The following ALDH18A1 variants were observed in gnomAD, a reference collection of about 807,000 sequenced individuals.
ALDH18A1 encodes delta-1-pyrroline-5-carboxylate synthase.
A neutral mutation model predicts 88.8 loss-of-function variants in ALDH18A1; 44 were observed. The observed-to-expected ratio is 0.50, with a 90% CI of 0.39 to 0.64. ALDH18A1 has a LOEUF of 0.64. Ranked by LOEUF, ALDH18A1 falls within the 30% of genes least tolerant of loss-of-function variation. The pLI, the probability that ALDH18A1 is intolerant of heterozygous loss-of-function variation, is 0.00. For missense variants in ALDH18A1, 782 were observed against 1,009.5 expected (o/e 0.77, Z 3.05); for synonymous variants, 331 against 372.1 (o/e 0.89, Z 1.27).
intron 13 of ALDH18A1, 104 bp downstream of exon 13, chr10:95,616,373 T>G: frequency 2.7e-6 from 4 of 1,461,254 alleles, no homozygotes; most frequent in Non-Finnish European, 3.7e-6. Context: ...TCAAGTCTGC[T>G]TGTAGTAGTG....
chr10:95,627,679 T>G, intron 8 of ALDH18A1, 93 bp from the exon 9 acceptor site: 1 of 1,424,154 alleles, frequency 7.0e-7, no homozygotes, highest in Non-Finnish European at 9.9e-7. Context: ...CAAGTTGATA[T>G]TGAACAACTT....
intron 17 of ALDH18A1, among the ~76,000 whole-genome samples, chr10:95,607,256 A>G (rs933705371): frequency 1.3e-5 from 2 of 152,186 alleles, no homozygotes; most frequent in Non-Finnish European, 2.9e-5. Flanking sequence ...ATTGCATACC[A>G]TATTTTGACA....
At position 95,627,558 on chromosome 10, in the gene ALDH18A1, C is replaced by T; in HGVS notation, c.962G>A (p.Gly321Asp). 6.2e-7 allele frequency: 1 copy of T among 1,614,136 alleles called. No individual in the cohort carries two copies. The highest frequency in any genetic ancestry group is 1.1e-5 in the South Asian group (1 of 91,090). Reference protein sequence around the residue: ...KVKAALWALQGGTSVVIANGT... With the variant: ...KVKAALWALQDGTSVVIANGT... ...ATTGGCAATAACAACAGAAGTGCCA[C>T]CTTGCAAAGCCCAGAGGGCTGCTTT... The change falls in exon 9 of 18, where the codon GGT becomes GAT. Residue 321 changes from glycine to aspartate, a missense_variant. Transcript: ENST00000371224.
At chr10:95,640,394 T>A (rs34460315) in intron 3 of ALDH18A1, among the ~76,000 whole-genome samples, 4,613 of 151,798 alleles carry the variant, frequency 0.03, 104 homozygotes, top group Non-Finnish European at 0.046. Flanking sequence ...CAGGCTGAAG[T>A]GCAGTGGTGC....
chr10:95,631,474 G>A (rs2097869312), intron 7 of ALDH18A1, among the ~76,000 whole-genome samples: 1 of 152,102 alleles, frequency 6.6e-6, no homozygotes, highest in Admixed American at 6.6e-5. Context: ...GCCGGGCGCG[G>A]TGGCTCACAC....
intron 8 of ALDH18A1, 55 bp from the exon 9 acceptor site, chr10:95,627,641 T>C: frequency 6.2e-7 from 1 of 1,602,616 alleles, no homozygotes; most frequent in African/African-American, 1.3e-5. Context: ...TTCACCCACA[T>C]TTTAAACTTG....
intron 11 of ALDH18A1, among the ~76,000 whole-genome samples, chr10:95,622,728 G>A (rs900715817): frequency 1.3e-5 from 2 of 151,998 alleles, no homozygotes; most frequent in East Asian, 1.9e-4. Flanking sequence ...TAGTAGAGAC[G>A]GGGTTTCACT....
intron 3 of ALDH18A1, among the ~76,000 whole-genome samples, chr10:95,642,264 G>A (rs1031632870): frequency 6.6e-6 from 1 of 152,018 alleles, no homozygotes; most frequent in Admixed American, 6.6e-5. Flanking sequence ...TATTATCTAT[G>A]GTTGCTTCTG....
intron 3 of ALDH18A1, 33 bp downstream of exon 3, chr10:95,642,959 T>G: frequency 3.7e-6 from 6 of 1,610,214 alleles, no homozygotes; most frequent in Non-Finnish European, 5.1e-6. Context: ...AAACCCAATT[T>G]TAGTACAGCA....
Position 95,614,167 on chromosome 10 carries a change from G to A in ALDH18A1, c.1606-6C>T. 6.2e-7 allele frequency: 1 copy of A among 1,613,694 alleles called. No individual in the cohort carries two copies. The highest frequency in any genetic ancestry group is 8.5e-7 in the Non-Finnish European group (1 of 1,179,870). ...ACTTCTTCTCTGGTATTCACCTTTA[G>A]AAGGAAAGAAGAAAAAGATAAAGAT... On this transcript the variant is annotated splice_region_variant and splice_polypyrimidine_tract_variant and intron_variant, in intron 13 of 17. Transcript: ENST00000371224.
chr10:95,619,518 T>G (rs1488260510), intron 12 of ALDH18A1, among the ~76,000 whole-genome samples: 1 of 152,154 alleles, frequency 6.6e-6, no homozygotes, highest in African/African-American at 2.4e-5. Flanking sequence ...GGAGGCATCA[T>G]GCTACCTGAC....
intron 17 of ALDH18A1, 140 bp from the exon 18 acceptor site, chr10:95,607,083 T>G: frequency 1.3e-6 from 1 of 798,484 alleles, no homozygotes; most frequent in Non-Finnish European, 2.2e-6. Flanking sequence ...CCAGAAGAGC[T>G]GAGTCACCCT....
intron 7 of ALDH18A1, among the ~76,000 whole-genome samples, chr10:95,629,485 G>A (rs1373332407): frequency 6.6e-6 from 1 of 152,124 alleles, no homozygotes; most frequent in Non-Finnish European, 1.5e-5. Context: ...TATAAGCAGT[G>A]CAAATTATTA....
At chr10:95,628,227 G>T in intron 8 of ALDH18A1, 141 bp downstream of exon 8, 1 of 1,210,334 alleles carries the variant, frequency 8.3e-7, no homozygotes. Context: ...CATTAAATCT[G>T]TATTTAGGTA....
At chr10:95,633,728 AG>A (rs1349398407) in intron 5 of ALDH18A1, 79 bp from the exon 6 acceptor site, 1 of 1,507,710 alleles carries the variant, frequency 6.6e-7, no homozygotes, top group Non-Finnish European at 9.1e-7. Flanking sequence ...CGCTAAGAGC[AG>A]GGGAGTTAAA....
chr10:95,636,247 T>G lies in ALDH18A1; in HGVS notation c.558+846A>C, dbSNP rs368714379. 5.0e-3 allele frequency among the ~76,000 whole-genome samples: 768 copies of G among 152,342 alleles called. 2 individuals carry two copies. The highest frequency in any genetic ancestry group is 0.02 in the Middle Eastern group (6 of 294). On this transcript the variant is annotated intron_variant, in intron 5 of 17. Transcript: ENST00000371224. ...TAAAATAACATCTGTGCATGTAGTG[T>G]ACATGTAAAATAATATCCATAATAT...
At chr10:95,648,231 G>A (rs934582587) in intron 2 of ALDH18A1, among the ~76,000 whole-genome samples, 4 of 152,066 alleles carry the variant, frequency 2.6e-5, no homozygotes, top group African/African-American at 7.2e-5. Flanking sequence ...CTGCAACCCC[G>A]TACATTTGGT....
At chr10:95,634,314 C>T (rs954604811) in intron 5 of ALDH18A1, among the ~76,000 whole-genome samples, 4 of 152,118 alleles carry the variant, frequency 2.6e-5, no homozygotes, top group Admixed American at 2.0e-4. Context: ...CTGTTGTCCA[C>T]GCTGGACTTG....
At chr10:95,642,191 G>A (rs888234673) in intron 3 of ALDH18A1, among the ~76,000 whole-genome samples, 2 of 152,164 alleles carry the variant, frequency 1.3e-5, no homozygotes, top group Admixed American at 6.5e-5. Flanking sequence ...GGCCAAATCT[G>A]GCATGCTGCT....
Sources: allele counts gnomAD v4.1 joint callset (sites outside exome capture counted in the v4.1 genomes callset), GRCh38; gene constraint gnomAD v4.1.1; transcripts MANE v1.5; gene names NCBI Gene and HGNC (gene_info 2026-07-23, HGNC 2026-07-21).